Variants in ANKRD17 observed in about 807,000 individuals in gnomAD.
The protein encoded by ANKRD17 is ankyrin repeat domain-containing protein 17.
A neutral mutation model predicts 229.7 loss-of-function variants in ANKRD17; 19 were observed. That is an observed-to-expected ratio of 0.08 (90% confidence interval 0.06 to 0.12). ANKRD17 has a LOEUF of 0.12. Among genes scored for constraint, ANKRD17 ranks in the 10% least tolerant of loss-of-function variants. The pLI is 1.00. For missense variants in ANKRD17, 2,176 were observed against 3,176.8 expected (o/e 0.68, Z 7.57); for synonymous variants, 1,112 against 1,146.1 (o/e 0.97, Z 0.60).
chr4:73,113,657 A>G (rs1725594264), intron 24 of ANKRD17, 135 bp downstream of exon 24: 1 of 774,568 alleles, frequency 1.3e-6, no homozygotes, highest in Non-Finnish European at 2.1e-6. Context: ...CCACGATTTG[A>G]GCCAAATGTA....
intron 29 of ANKRD17, among the ~76,000 whole-genome samples, chr4:73,089,036 T>C (rs1481796349): frequency 6.6e-6 from 1 of 152,060 alleles, no homozygotes; most frequent in East Asian, 1.9e-4. Context: ...GCATGTTTAT[T>C]CTTTTTAAAT....
intron 1 of ANKRD17, among the ~76,000 whole-genome samples, chr4:73,253,861 T>G (rs116675018): frequency 2.4e-3 from 368 of 152,356 alleles, no homozygotes; most frequent in African/African-American, 8.7e-3. Context: ...TCAGAAGCCC[T>G]GGATCCAAGA....
At chr4:73,253,658 C>T (rs1356307239) in intron 1 of ANKRD17, among the ~76,000 whole-genome samples, 4 of 152,182 alleles carry the variant, frequency 2.6e-5, no homozygotes, top group Non-Finnish European at 5.9e-5. Flanking sequence ...CTAGACTTCA[C>T]AAACAGTAGG....
chr4:73,223,884 T>C (rs1333804632), intron 1 of ANKRD17, among the ~76,000 whole-genome samples: 1 of 152,164 alleles, frequency 6.6e-6, no homozygotes, highest in Non-Finnish European at 1.5e-5. Flanking sequence ...GTAATTGATC[T>C]TCCATTTAGT....
At chr4:73,080,343 G>A (rs558033767) in intron 30 of ANKRD17, among the ~76,000 whole-genome samples, 15 of 152,122 alleles carry the variant, frequency 9.9e-5, no homozygotes, top group African/African-American at 3.4e-4. Context: ...AAAAATGAAC[G>A]AAAAGAAAAT....
chr4:73,100,839 AACACAC>A, intron 25 of ANKRD17: 1 of 983,594 alleles, frequency 1.0e-6, no homozygotes, highest in Non-Finnish European at 1.2e-6. Context: ...AACAAAACAA[AACACAC>A]ACACACATAC....
intron 1 of ANKRD17, among the ~76,000 whole-genome samples, chr4:73,248,006 T>C (rs1173399170): frequency 5.3e-5 from 8 of 152,092 alleles, no homozygotes; most frequent in South Asian, 2.1e-4. Flanking sequence ...CATTTAATTA[T>C]ATGTAACGCT....
intron 3 of ANKRD17, among the ~76,000 whole-genome samples, chr4:73,160,570 T>C (rs543274955): frequency 6.6e-6 from 1 of 152,286 alleles, no homozygotes; most frequent in South Asian, 2.1e-4. Context: ...ATGGTGTGAT[T>C]TTTATTGGAT....
At chr4:73,233,997 G>A (rs928664598) in intron 1 of ANKRD17, among the ~76,000 whole-genome samples, 6 of 151,402 alleles carry the variant, frequency 4.0e-5, no homozygotes, top group Admixed American at 6.6e-5. Flanking sequence ...AATTCATTAC[G>A]TTTCTACAGC....
chr4:73,139,647 A>AGTT lies in ANKRD17; in HGVS notation c.2968_2969insAAC (p.Val989_Leu990insGln). ...CAGCCCTGCCAACTGTGCTTGGCCC[A>AGTT]GTACTGGCTGTCCAACTATCACTCC... is the stretch of plus-strand genomic sequence containing the variant. On this transcript the variant is annotated inframe_insertion, in exon 15 of 34. Transcript: ENST00000358602. The AGTT allele has an allele frequency of 6.2e-7, 1 of 1,614,132 alleles. No individual in the cohort carries two copies. Among genetic ancestry groups the AGTT allele is most frequent in the Non-Finnish European group, 8.5e-7 (1 of 1,180,022 alleles).
intron 14 of ANKRD17, 66 bp downstream of exon 14, chr4:73,141,675 A>G (rs1011326412): frequency 9.0e-6 from 13 of 1,446,220 alleles, no homozygotes; most frequent in East Asian, 2.3e-5. Flanking sequence ...AGAAATGTCT[A>G]TTTTTTGGTA....
At chr4:73,168,634 T>C (rs929775196) in intron 2 of ANKRD17, among the ~76,000 whole-genome samples, 5 of 152,182 alleles carry the variant, frequency 3.3e-5, no homozygotes, top group African/African-American at 1.2e-4. Flanking sequence ...GTTAAGTCGC[T>C]AGAAACACGG....
At chr4:73,165,657 A>T (rs1165973871) in intron 2 of ANKRD17, among the ~76,000 whole-genome samples, 1 of 152,330 alleles carries the variant, frequency 6.6e-6, no homozygotes, top group East Asian at 1.9e-4. Context: ...TTGTTGACCT[A>T]AAGACAGCGA....
chr4:73,204,468 T>C (rs1268019329), intron 1 of ANKRD17, among the ~76,000 whole-genome samples: 5 of 151,098 alleles, frequency 3.3e-5, no homozygotes. Context: ...GGAAAATAGA[T>C]ATTCTCAAAC....
At chr4:73,176,750 T>A (rs1326746106) in intron 2 of ANKRD17, among the ~76,000 whole-genome samples, 1 of 152,200 alleles carries the variant, frequency 6.6e-6, no homozygotes, top group African/African-American at 2.4e-5. Flanking sequence ...ATAAATGCTT[T>A]AGGTGATGGA....
chr4:73,088,892 C>G (rs1025656725), intron 29 of ANKRD17, among the ~76,000 whole-genome samples: 23 of 152,156 alleles, frequency 1.5e-4, no homozygotes, highest in African/African-American at 5.6e-4. Context: ...GTCACATGGT[C>G]TCTGTCCCAG....
intron 24 of ANKRD17, 68 bp from the exon 25 acceptor site, chr4:73,102,615 T>C: frequency 5.9e-6 from 9 of 1,518,264 alleles, no homozygotes; most frequent in Non-Finnish European, 8.0e-6. Flanking sequence ...TGTCACATAA[T>C]CATTTAATCA....
At chr4:73,112,581 G>C (rs1578084829) in intron 24 of ANKRD17, 1 of 506,970 alleles carries the variant, frequency 2.0e-6, no homozygotes, top group African/African-American at 2.1e-5. Flanking sequence ...TCAGAAAATA[G>C]TATTTTCAAA....
At chr4:73,131,054 T>C (rs1428641276) in intron 16 of ANKRD17, among the ~76,000 whole-genome samples, 1 of 152,152 alleles carries the variant, frequency 6.6e-6, no homozygotes, top group Admixed American at 6.5e-5. Context: ...TATCAAAAGG[T>C]GTAATAAAAA....
Sources: allele counts gnomAD v4.1 joint callset (sites outside exome capture counted in the v4.1 genomes callset), GRCh38; gene constraint gnomAD v4.1.1; transcripts MANE v1.5; gene names NCBI Gene and HGNC (gene_info 2026-07-23, HGNC 2026-07-21).